Variants in FHIT observed in about 807,000 individuals in gnomAD.
FHIT encodes the protein bis(5'-adenosyl)-triphosphatase.
A neutral mutation model predicts 17.9 loss-of-function variants in FHIT; 19 were observed. That is an observed-to-expected ratio of 1.06 (90% confidence interval 0.74 to 1.56). The LOEUF is 1.56. Ranked by LOEUF, FHIT falls within the 40% of genes most tolerant of loss-of-function variation. The pLI is 0.00. For synonymous variants in FHIT, 81 were observed against 69.7 expected, an observed-to-expected ratio of 1.16 and a Z score of -0.81; for missense variants, 248 against 189.2, an observed-to-expected ratio of 1.31 and a Z score of -1.82.
At chr3:60,178,584 G>GC (rs1420458595) in intron 5 of FHIT, among the ~76,000 whole-genome samples, 4 of 151,990 alleles carry the variant, frequency 2.6e-5, no homozygotes, top group Non-Finnish European at 5.9e-5. Flanking sequence ...AGACTCTGTT[G>GC]GTGGCGGTGG....
chr3:60,766,993 C>G (rs145428180), intron 4 of FHIT, among the ~76,000 whole-genome samples: 49 of 152,284 alleles, frequency 3.2e-4, no homozygotes, highest in African/African-American at 1.1e-3. Context: ...CATGCTCATC[C>G]TAATGCGAAA....
rs765313086 is a variant in FHIT, at chr3:60,536,940, T to C, written c.23A>G (p.His8Arg). The stretch of plus-strand genomic sequence containing the variant: ...AAACACTACAGAGGGCTTGATGAGA[T>C]GTTGGCCAAATCTGAACGACATGTC... The part of the protein sequence containing the change: MSFRFGQ[H>R]LIKPSVVFLK... The change falls in exon 5 of 10, where the codon CAT becomes CGT. Residue 8 changes from histidine (H) to arginine (R), a missense_variant. By Grantham distance (29) the His-to-Arg change is conservative (BLOSUM62 0). Transcript: ENST00000492590. 3 of 1,612,560 alleles carry C rather than the reference T, an allele frequency of 1.9e-6. No individual in the cohort carries two copies. The highest frequency in any genetic ancestry group is 2.5e-6 in the Non-Finnish European group (3 of 1,179,366).
chr3:60,156,732 T>C (rs77125098), intron 5 of FHIT, among the ~76,000 whole-genome samples: 3,880 of 152,212 alleles, frequency 0.025, 144 homozygotes, highest in African/African-American at 0.088. Context: ...ACCTGGGCAA[T>C]GGAGTGAGAC....
At chr3:60,755,062 C>A (rs2042545644) in intron 4 of FHIT, among the ~76,000 whole-genome samples, 1 of 152,162 alleles carries the variant, frequency 6.6e-6, no homozygotes, top group South Asian at 2.1e-4. Flanking sequence ...CAAAGTTATT[C>A]TCCTTTCTGG....
At chr3:61,035,383 T>C (rs1468981625) in intron 3 of FHIT, among the ~76,000 whole-genome samples, 1 of 152,218 alleles carries the variant, frequency 6.6e-6, no homozygotes, top group Non-Finnish European at 1.5e-5. Flanking sequence ...TTACATTACT[T>C]AACTATTTCT....
At chr3:59,960,579 T>G (rs1325026176) in intron 7 of FHIT, among the ~76,000 whole-genome samples, 2 of 82,322 alleles carry the variant, frequency 2.4e-5, no homozygotes, top group East Asian at 8.5e-4. Flanking sequence ...TGACAGTCAG[T>G]TTTATAGCTA....
intron 5 of FHIT, among the ~76,000 whole-genome samples, chr3:60,367,203 T>A (rs561907435): frequency 6.6e-6 from 1 of 152,202 alleles, no homozygotes; most frequent in Non-Finnish European, 1.5e-5. Flanking sequence ...GTTTTATCAT[T>A]AGTTCCTTTC....
intron 5 of FHIT, among the ~76,000 whole-genome samples, chr3:60,180,223 C>T (rs1298008702): frequency 6.6e-6 from 1 of 152,114 alleles, no homozygotes; most frequent in Non-Finnish European, 1.5e-5. Flanking sequence ...TCACGGGCAG[C>T]AAAGTGAGTC....
chr3:60,817,481 T>A (rs1369943412), intron 4 of FHIT, among the ~76,000 whole-genome samples: 1 of 152,038 alleles, frequency 6.6e-6, no homozygotes, highest in Admixed American at 6.6e-5. Context: ...TCACAAAGGA[T>A]ATTTTTGCTA....
At chr3:61,028,052 C>T (rs2032825556) in intron 3 of FHIT, among the ~76,000 whole-genome samples, 1 of 152,140 alleles carries the variant, frequency 6.6e-6, no homozygotes, top group African/African-American at 2.4e-5. Flanking sequence ...GAGCCCTAGG[C>T]TCATCTTCAA....
chr3:60,195,812 AG>A (rs1169164249), intron 5 of FHIT, among the ~76,000 whole-genome samples: 1 of 141,782 alleles, frequency 7.1e-6, no homozygotes, highest in Non-Finnish European at 1.5e-5. Context: ...ACATACACAG[AG>A]GAGCTAAGCT....
chr3:60,948,847 C>T (rs1708749315), intron 3 of FHIT, among the ~76,000 whole-genome samples: 1 of 152,150 alleles, frequency 6.6e-6, no homozygotes, highest in Admixed American at 6.5e-5. Context: ...AAACCACTTA[C>T]AGATGAAGCA....
chr3:60,222,342 C>A (rs1704001350), intron 5 of FHIT, among the ~76,000 whole-genome samples: 1 of 152,198 alleles, frequency 6.6e-6, no homozygotes, highest in Non-Finnish European at 1.5e-5. Flanking sequence ...CCCTGTTCTT[C>A]AACTTCAGTC....
At chr3:59,821,476 C>G (rs1489019884) in intron 8 of FHIT, among the ~76,000 whole-genome samples, 6 of 152,144 alleles carry the variant, frequency 3.9e-5, no homozygotes, top group Non-Finnish European at 5.9e-5. Flanking sequence ...ATGTGGTTTC[C>G]TCAAACCCAC....
At chr3:61,009,473 A>G (rs2031666358) in intron 3 of FHIT, among the ~76,000 whole-genome samples, 1 of 152,208 alleles carries the variant, frequency 6.6e-6, no homozygotes, top group Admixed American at 6.5e-5. Context: ...GTGAAAGTCA[A>G]TGAAATTGTT....
At chr3:60,863,436 A>G (rs1704011230) in intron 3 of FHIT, among the ~76,000 whole-genome samples, 2 of 152,222 alleles carry the variant, frequency 1.3e-5, no homozygotes, top group South Asian at 4.1e-4. Flanking sequence ...AATTCATCAT[A>G]GTTTGTTATG....
intron 8 of FHIT, among the ~76,000 whole-genome samples, chr3:59,821,267 A>C (rs762151543): frequency 7.2e-5 from 11 of 152,218 alleles, no homozygotes; most frequent in Non-Finnish European, 1.2e-4. Flanking sequence ...TCAGAAGAGT[A>C]GAAGAAAACA....
At chr3:60,160,712 GT>G (rs1373867425) in intron 5 of FHIT, among the ~76,000 whole-genome samples, 1 of 152,084 alleles carries the variant, frequency 6.6e-6, no homozygotes, top group Non-Finnish European at 1.5e-5. Context: ...TAGCTAAACT[GT>G]TTTTTATCAA....
intron 3 of FHIT, among the ~76,000 whole-genome samples, chr3:60,855,697 G>A (rs1423329617): frequency 6.6e-6 from 1 of 152,110 alleles, no homozygotes; most frequent in East Asian, 1.9e-4. Flanking sequence ...TGGGCCAAGA[G>A]TATATTCAAG....
Sources: gnomAD v4.1 joint callset for allele counts (sites outside exome capture counted in the v4.1 genomes callset) on GRCh38, gnomAD v4.1.1 for gene constraint, MANE v1.5 for transcripts, NCBI Gene and HGNC (gene_info 2026-07-23, HGNC 2026-07-21) for gene names.